Variants in ARID1B observed in about 807,000 individuals in gnomAD.
ARID1B encodes AT-rich interaction domain 1B.
ARID1B carries 30 observed loss-of-function variants against 212.3 expected under a neutral mutation model. The ratio of observed to expected loss-of-function variants is 0.14; its 90% confidence interval spans 0.11 to 0.19. The LOEUF (loss-of-function observed/expected upper bound fraction) is 0.19, where lower values mean the gene tolerates loss of function less well. ARID1B is among the 10% of genes least tolerant of loss of function. The probability of loss-of-function intolerance (pLI) is 1.00; values close to 1 mark genes in which losing one functional copy is unlikely to be tolerated. For missense variants in ARID1B, 2,891 were observed against 3,204.0 expected, an observed-to-expected ratio of 0.90 and a Z score of 2.36; for synonymous variants, 1,402 against 1,301.7, an observed-to-expected ratio of 1.08 and a Z score of -1.66.
At chr6:157,188,609 G>A (rs1375538141) in intron 13 of ARID1B, among the ~76,000 whole-genome samples, 2 of 152,194 alleles carry the variant, frequency 1.3e-5, no homozygotes, top group East Asian at 1.9e-4. Context: ...CAGTAATCCT[G>A]CCATTTGTTC....
At chr6:156,840,350 T>A (rs185171561) in intron 2 of ARID1B, among the ~76,000 whole-genome samples, 5 of 152,216 alleles carry the variant, frequency 3.3e-5, no homozygotes, top group Admixed American at 2.6e-4. Context: ...TTTCTCCAGC[T>A]CTCTTATCCC....
intron 8 of ARID1B, among the ~76,000 whole-genome samples, chr6:157,163,432 C>T (rs945406451): frequency 2.6e-5 from 4 of 152,212 alleles, no homozygotes; most frequent in Admixed American, 1.3e-4. Flanking sequence ...GCGTGCAGTG[C>T]GAGCCTTCTT....
At position 157,084,818 on chromosome 6, in the gene ARID1B, C is replaced by G. The variant is rs768277043; in HGVS notation, c.2404C>G (p.Pro802Ala). The change falls in exon 5 of 20, where the codon CCG becomes GCG. Residue 802 changes from proline (P) to alanine (A), a missense_variant. Pro to Ala is a conservative substitution (Grantham distance 27, BLOSUM62 -1). Coordinates refer to ENST00000636930, the MANE Select transcript of ARID1B (RefSeq NM_001374828.1). ...PHASPHLSSI[P>A]GGPSPSPVGS... is the part of the protein sequence containing the mutation. The stretch of plus-strand genomic sequence containing the variant: ...TGCGTCCCCTCATCTCTCCAGCATC[C>G]CGGGGGGCCCATCTCCCTCTCCTGT... 1 of 1,614,146 alleles carries G rather than the reference C, an allele frequency of 6.2e-7. No homozygotes were observed. Among genetic ancestry groups the G allele is most frequent in the South Asian group, 1.1e-5 (1 of 91,072 alleles).
chr6:157,170,134 G>A lies in ARID1B; in HGVS notation c.3235+2949G>A, dbSNP rs150853978. On this transcript the variant is annotated intron_variant, in intron 9 of 19. Transcript: ENST00000636930. ...GGTGGGTCCAGGAATCCGCATCCCT[G>A]ACCACTTCCGCAGGTAGTTTTCATG... 3.3e-5 allele frequency: 5 copies of A among 152,282 alleles called. No homozygotes were observed. In the East Asian group the frequency reaches 9.7e-4, roughly 29 times the overall value. The allele number at this position is 152,282 out of a possible 1,614,324, so 9.4% of individuals were successfully genotyped here. A position where few individuals can be genotyped will look rare whatever the true frequency, so the allele number is the denominator to read the frequency against.
intron 4 of ARID1B, among the ~76,000 whole-genome samples, chr6:157,019,361 G>C (rs1425591571): frequency 6.6e-6 from 1 of 152,174 alleles, no homozygotes; most frequent in Non-Finnish European, 1.5e-5. Flanking sequence ...CCAGCATCTG[G>C]TAAGTGCTGA....
Position 156,806,789 on chromosome 6 carries a change from G to A in ARID1B, c.1792-22438G>A, listed in dbSNP as rs377271649. ...GGTCAGCAAACTTTTCCTACGAAGG[G>A]CCACATAGTAAATAATTCAGGTTTT... On this transcript the variant is annotated intron_variant, in intron 1 of 19. Transcript: ENST00000636930. Among the ~76,000 whole-genome samples the A allele has an allele frequency of 4.9e-4, 75 of 152,286 alleles. No homozygotes were observed. The South Asian group carries it at 8.9e-3, about 18-fold the overall frequency.
At chr6:156,947,567 G>A (rs1374260739) in intron 4 of ARID1B, among the ~76,000 whole-genome samples, 1 of 149,788 alleles carries the variant, frequency 6.7e-6, no homozygotes, top group East Asian at 2.0e-4. Context: ...GGAGTTTCTT[G>A]TACATTTGGA....
chr6:157,149,743 T>C (rs1297751504), intron 8 of ARID1B: 2 of 152,248 alleles, frequency 1.3e-5, no homozygotes, highest in African/African-American at 4.8e-5. Context: ...ATGTGTATCT[T>C]AATGATATCT....
At chr6:156,981,565 G>A (rs1355726644) in intron 4 of ARID1B, among the ~76,000 whole-genome samples, 1 of 152,102 alleles carries the variant, frequency 6.6e-6, no homozygotes. Context: ...AAATTCCTCA[G>A]TTTGGCATCA....
At chr6:156,798,574 C>G (rs1780560851) in intron 1 of ARID1B, among the ~76,000 whole-genome samples, 1 of 152,226 alleles carries the variant, frequency 6.6e-6, no homozygotes, top group African/African-American at 2.4e-5. Context: ...TATTTCACTA[C>G]CTTTGTAGAC....
chr6:156,986,491 C>A (rs1777925061), intron 4 of ARID1B, among the ~76,000 whole-genome samples: 1 of 152,158 alleles, frequency 6.6e-6, no homozygotes, highest in African/African-American at 2.4e-5. Flanking sequence ...GGTAGTTAGG[C>A]CCTTGCGTTT....
intron 2 of ARID1B, among the ~76,000 whole-genome samples, chr6:156,868,715 A>G (rs1241194999): frequency 6.6e-6 from 1 of 152,254 alleles, no homozygotes; most frequent in African/African-American, 2.4e-5. Flanking sequence ...AGATTTCAAC[A>G]TATGAATTTT....
At chr6:156,876,696 A>G (rs1340566184) in intron 2 of ARID1B, among the ~76,000 whole-genome samples, 1 of 152,118 alleles carries the variant, frequency 6.6e-6, no homozygotes, top group African/African-American at 2.4e-5. Context: ...CCCCGTCTTC[A>G]TAGCCTTTAC....
intron 16 of ARID1B, among the ~76,000 whole-genome samples, chr6:157,197,282 G>A (rs1017048686): frequency 5.9e-5 from 9 of 152,244 alleles, no homozygotes; most frequent in African/African-American, 2.2e-4. Context: ...CCACAGGGTG[G>A]AGCTGACTTC....
intron 4 of ARID1B, among the ~76,000 whole-genome samples, chr6:156,995,401 T>C (rs73578058): frequency 0.018 from 2,765 of 152,306 alleles, 93 homozygotes; most frequent in African/African-American, 0.063. Flanking sequence ...TAGAATTCTT[T>C]ATGGACAGAG....
At chr6:156,965,982 T>G (rs1794713200) in intron 4 of ARID1B, among the ~76,000 whole-genome samples, 1 of 152,350 alleles carries the variant, frequency 6.6e-6, no homozygotes, top group African/African-American at 2.4e-5. Flanking sequence ...TTTCTTTTAA[T>G]GAAGTACCAG....
chr6:156,901,644 G>A (rs973329165), intron 3 of ARID1B, 119 bp downstream of exon 3: 1 of 1,282,256 alleles, frequency 7.8e-7, no homozygotes, highest in Non-Finnish European at 1.0e-6. Flanking sequence ...AATTAGTTTT[G>A]AGAAAATGCA....
At chr6:157,199,620 T>C (rs190138326) in intron 17 of ARID1B, among the ~76,000 whole-genome samples, 446 of 150,230 alleles carry the variant, frequency 3.0e-3, no homozygotes, top group Non-Finnish European at 5.0e-3. Flanking sequence ...TAATAATATG[T>C]ATATCATTTT....
At chr6:156,858,494 G>A (rs187483751) in intron 2 of ARID1B, among the ~76,000 whole-genome samples, 18 of 152,082 alleles carry the variant, frequency 1.2e-4, no homozygotes, top group African/African-American at 3.6e-4. Flanking sequence ...GGCTGGGCTC[G>A]GCAGCTCACA....
Sources: gnomAD v4.1 joint callset for allele counts (sites outside exome capture counted in the v4.1 genomes callset) on GRCh38, gnomAD v4.1.1 for gene constraint, MANE v1.5 for transcripts, NCBI Gene and HGNC (gene_info 2026-07-23, HGNC 2026-07-21) for gene names.